The following TMED10 variants were observed in gnomAD, a reference collection of about 807,000 sequenced individuals.
TMED10 encodes transmembrane p24 trafficking protein 10.
A neutral mutation model predicts 23.1 loss-of-function variants in TMED10; 7 were observed. The ratio of observed to expected loss-of-function variants is 0.30; its 90% CI spans 0.17 to 0.57. TMED10 has a LOEUF of 0.57. TMED10 is among the 20% of genes least tolerant of loss of function. The probability of loss-of-function intolerance (pLI) is 0.91; values close to 1 mark genes in which losing one functional copy is unlikely to be tolerated. For missense variants in TMED10, 162 were observed against 274.8 expected, an observed-to-expected ratio of 0.59 and a Z score of 2.90; for synonymous variants, 113 against 106.9, an observed-to-expected ratio of 1.06 and a Z score of -0.35.
At chr14:75,164,569 ATATATATATTTTT>A (rs1566675268) in intron 1 of TMED10, among the ~76,000 whole-genome samples, 1 of 1,996 alleles carries the variant, frequency 5.0e-4, no homozygotes, top group Non-Finnish European at 1.5e-3. Flanking sequence ...ATATATATAT[ATATATATATTTTT>A]TTTTTTTTTT....
At chr14:75,164,570 TA>T (rs1281801986) in intron 1 of TMED10, among the ~76,000 whole-genome samples, 20 of 2,894 alleles carry the variant, frequency 6.9e-3, no homozygotes, top group Non-Finnish European at 0.014. Context: ...TATATATATA[TA>T]TATATATTTT....
At chr14:75,159,428 T>C (rs175425) in intron 1 of TMED10, among the ~76,000 whole-genome samples, 75,743 of 152,024 alleles carry the variant, frequency 0.5, 19,416 homozygotes, top group Middle Eastern at 0.56. Context: ...GATTTCATCA[T>C]CTCCATGCTA....
At chr14:75,139,869 G>A (rs1280576936) in intron 3 of TMED10, among the ~76,000 whole-genome samples, 1 of 151,842 alleles carries the variant, frequency 6.6e-6, no homozygotes, top group African/African-American at 2.4e-5. Context: ...AGTACACCAT[G>A]GATACTCAAT....
chr14:75,163,648 A>C lies in TMED10; in HGVS notation c.226-11505T>G, dbSNP rs183932038. On this transcript the variant is annotated intron_variant, in intron 1 of 4. Coordinates refer to ENST00000303575, the MANE Select transcript of TMED10 (RefSeq NM_006827.6). ...TACAACATAGTACTTTTAAGATGGA[A>C]GGTTCTAGAGTCAGACTTTCTGGTC... is the stretch of plus-strand genomic sequence containing the variant. Among the ~76,000 whole-genome samples the C allele has an allele frequency of 6.1e-4, 93 of 151,788 alleles. 1 individual carries two copies. Among genetic ancestry groups the C allele is most frequent in the Non-Finnish European group, 1.1e-3 (75 of 67,946 alleles).
chr14:75,140,180 G>A (rs1895804291), intron 3 of TMED10, among the ~76,000 whole-genome samples: 1 of 152,068 alleles, frequency 6.6e-6, no homozygotes, highest in Non-Finnish European at 1.5e-5. Context: ...TTCTTTTTGA[G>A]ATGGACTCTT....
chr14:75,156,195 G>A (rs1896017391), intron 1 of TMED10, among the ~76,000 whole-genome samples: 1 of 152,106 alleles, frequency 6.6e-6, no homozygotes, highest in Admixed American at 6.6e-5. Flanking sequence ...GAGGTGGGTT[G>A]GGACACTATT....
chr14:75,139,970 C>G (rs1246211079), intron 3 of TMED10, among the ~76,000 whole-genome samples: 1 of 152,094 alleles, frequency 6.6e-6, no homozygotes, highest in Admixed American at 6.5e-5. Flanking sequence ...GAACAAAGAT[C>G]TTTTCAAACC....
At chr14:75,165,376 C>T (rs751743781) in intron 1 of TMED10, among the ~76,000 whole-genome samples, 19 of 152,056 alleles carry the variant, frequency 1.2e-4, no homozygotes, top group Non-Finnish European at 1.9e-4. Flanking sequence ...TACAGGCATA[C>T]GCCACCATGC....
intron 1 of TMED10, among the ~76,000 whole-genome samples, chr14:75,172,348 C>T (rs1252280459): frequency 6.6e-6 from 1 of 151,318 alleles, no homozygotes; most frequent in Admixed American, 6.6e-5. Context: ...CACTCTGTAG[C>T]CCAGGTAGGA....
Position 75,176,601 on chromosome 14 carries a change from A to T in TMED10, c.-22T>A, listed in dbSNP as rs781486551. 1.9e-6 allele frequency: 3 copies of T among 1,613,196 alleles called. No homozygotes were observed. In the Admixed American group the frequency reaches 5.0e-5, roughly 27 times the overall value. Reference sequence around the variant, plus strand: ...ACATGGTGCTGGAGACTCGTTCACCACCGAAGGCCTCAACCGCGCCGGAAC... The same window carrying T: ...ACATGGTGCTGGAGACTCGTTCACCTCCGAAGGCCTCAACCGCGCCGGAAC... On this transcript the variant is annotated 5_prime_UTR_variant, in exon 1 of 5. Transcript: ENST00000303575.
chr14:75,162,610 G>A (rs1345686787), intron 1 of TMED10, among the ~76,000 whole-genome samples: 4 of 151,896 alleles, frequency 2.6e-5, no homozygotes, highest in South Asian at 4.2e-4. Context: ...ATAGAAAGGG[G>A]GAAAAAAGAG....
At chr14:75,167,725 G>C (rs1259865115) in intron 1 of TMED10, among the ~76,000 whole-genome samples, 1 of 152,088 alleles carries the variant, frequency 6.6e-6, no homozygotes, top group Non-Finnish European at 1.5e-5. Flanking sequence ...AGGTGCAGGG[G>C]TTCATGCCTG....
At chr14:75,138,801 A>T (rs1039722676) in intron 3 of TMED10, among the ~76,000 whole-genome samples, 3 of 142,222 alleles carry the variant, frequency 2.1e-5, no homozygotes, top group African/African-American at 7.8e-5. Flanking sequence ...TGAATCCCAC[A>T]GCCTTTGCTT....
Position 75,176,589 on chromosome 14 carries a change from G to A in TMED10, c.-10C>T, listed in dbSNP as rs1261356088. The A allele has an allele frequency of 1.2e-6, 2 of 1,613,794 alleles. No homozygotes were observed. Among genetic ancestry groups the A allele is most frequent in the African/African-American group, 1.3e-5 (1 of 74,922 alleles). ...CAGACAAACCAGACATGGTGCTGGA[G>A]ACTCGTTCACCACCGAAGGCCTCAA... On this transcript the variant is annotated 5_prime_UTR_variant, in exon 1 of 5. Coordinates refer to ENST00000303575, the MANE Select transcript of TMED10 (RefSeq NM_006827.6).
intron 1 of TMED10, among the ~76,000 whole-genome samples, chr14:75,175,291 T>C (rs578252822): frequency 6.6e-6 from 1 of 152,268 alleles, no homozygotes; most frequent in East Asian, 1.9e-4. Context: ...GCATAGTTGG[T>C]ATTTACATAA....
At chr14:75,144,903 C>A (rs1895863977) in intron 3 of TMED10, among the ~76,000 whole-genome samples, 1 of 152,226 alleles carries the variant, frequency 6.6e-6, no homozygotes, top group African/African-American at 2.4e-5. Flanking sequence ...GGGTGATCCA[C>A]CCACCTTGGC....
At chr14:75,161,549 C>T (rs961935232) in intron 1 of TMED10, among the ~76,000 whole-genome samples, 11 of 152,154 alleles carry the variant, frequency 7.2e-5, no homozygotes, top group South Asian at 2.1e-4. Context: ...GGAAGATCCT[C>T]GTAAAAGGAC....
intron 1 of TMED10, among the ~76,000 whole-genome samples, chr14:75,174,614 G>C (rs1217765725): frequency 1.3e-5 from 2 of 152,194 alleles, no homozygotes; most frequent in Non-Finnish European, 2.9e-5. Context: ...AAAATGATGG[G>C]TCACAGATTA....
intron 3 of TMED10, 98 bp downstream of exon 3, chr14:75,147,566 C>T: frequency 1.6e-6 from 2 of 1,226,662 alleles, no homozygotes; most frequent in Middle Eastern, 3.8e-4. Context: ...GAAACCACAG[C>T]CCTTTGGGCA....
Sources: gnomAD v4.1 joint callset for allele counts (sites outside exome capture counted in the v4.1 genomes callset) on GRCh38, gnomAD v4.1.1 for gene constraint, MANE v1.5 for transcripts, NCBI Gene and HGNC (gene_info 2026-07-23, HGNC 2026-07-21) for gene names.